The following FANK1 variants were observed in gnomAD, a reference collection of about 807,000 sequenced individuals.
The protein encoded by FANK1 is fibronectin type III and ankyrin repeat domains 1.
Under a neutral mutation model 45.3 loss-of-function variants are expected in FANK1, and 44 were observed. The observed-to-expected ratio is 0.97, with a 90% CI of 0.76 to 1.25. The LOEUF (loss-of-function observed/expected upper bound fraction) is 1.25, where lower values mean the gene tolerates loss of function less well. FANK1 is among the 50% of genes most tolerant of loss of function. FANK1 has a pLI of 0.00. For missense variants in FANK1, 391 were observed against 424.4 expected, an observed-to-expected ratio of 0.92 and a Z score of 0.69; for synonymous variants, 149 against 152.5, an observed-to-expected ratio of 0.98 and a Z score of 0.17.
intron 1 of FANK1, among the ~76,000 whole-genome samples, chr10:125,913,647 A>G (rs1316406827): frequency 6.6e-6 from 1 of 152,194 alleles, no homozygotes; most frequent in Non-Finnish European, 1.5e-5. Flanking sequence ...CACCAACAAC[A>G]TGGTTAGGCA....
At chr10:125,926,291 T>G (rs1947336238) in intron 1 of FANK1, among the ~76,000 whole-genome samples, 1 of 152,304 alleles carries the variant, frequency 6.6e-6, no homozygotes, top group African/African-American at 2.4e-5. Context: ...TTGTTCATAT[T>G]TCACCAGTTT....
chr10:125,911,574 G>A (rs1176666337), intron 1 of FANK1, among the ~76,000 whole-genome samples: 1 of 152,210 alleles, frequency 6.6e-6, no homozygotes, highest in Non-Finnish European at 1.5e-5. Flanking sequence ...GTCTAGATGT[G>A]GACTAGGTAG....
At chr10:125,948,707 C>G (rs1360369129) in intron 1 of FANK1, among the ~76,000 whole-genome samples, 1 of 152,166 alleles carries the variant, frequency 6.6e-6, no homozygotes. Context: ...GAACTGGTAC[C>G]ATTCCTTCTG....
chr10:125,957,287 T>A (rs1207511737), intron 1 of FANK1, among the ~76,000 whole-genome samples: 1 of 152,202 alleles, frequency 6.6e-6, no homozygotes, highest in East Asian at 1.9e-4. Context: ...TCTATGTTGC[T>A]TTTGCATATC....
chr10:125,945,833 G>C (rs577510471), intron 1 of FANK1, among the ~76,000 whole-genome samples: 43 of 152,348 alleles, frequency 2.8e-4, no homozygotes, highest in African/African-American at 1.0e-3. Context: ...AGTAACCTCT[G>C]CAGGCTTAAG....
chr10:125,982,520 G>A (rs1951286630), intron 2 of FANK1, among the ~76,000 whole-genome samples: 1 of 152,192 alleles, frequency 6.6e-6, no homozygotes, highest in African/African-American at 2.4e-5. Flanking sequence ...GCAGAATTAG[G>A]CTGCATTAAT....
chr10:125,933,950 C>T (rs529261856), intron 1 of FANK1, among the ~76,000 whole-genome samples: 4 of 152,196 alleles, frequency 2.6e-5, no homozygotes, highest in African/African-American at 9.6e-5. Context: ...TTTGAAGGTT[C>T]GTTTTGGAGT....
chr10:125,900,249 TTTAA>T (rs1420532216), intron 1 of FANK1, among the ~76,000 whole-genome samples: 8 of 152,298 alleles, frequency 5.3e-5, no homozygotes, highest in Non-Finnish European at 1.2e-4. Flanking sequence ...CATTGACGTC[TTTAA>T]TTATTTTCTT....
intron 1 of FANK1, among the ~76,000 whole-genome samples, chr10:125,908,608 GGA>G (rs1237693288): frequency 1.3e-5 from 2 of 152,048 alleles, no homozygotes; most frequent in Non-Finnish European, 2.9e-5. Flanking sequence ...GGAAAGGGTG[GGA>G]GGGGGATGAG....
chr10:125,942,690 C>T (rs919937049), intron 1 of FANK1, among the ~76,000 whole-genome samples: 3 of 152,004 alleles, frequency 2.0e-5, no homozygotes, highest in African/African-American at 7.3e-5. Flanking sequence ...GCTTGATACA[C>T]CTGTTATATT....
At chr10:125,908,289 C>A (rs112138702) in intron 1 of FANK1, among the ~76,000 whole-genome samples, 1 of 152,116 alleles carries the variant, frequency 6.6e-6, no homozygotes, top group Non-Finnish European at 1.5e-5. Flanking sequence ...AGCCACTGTG[C>A]CTGGCCTTTT....
intron 1 of FANK1, among the ~76,000 whole-genome samples, chr10:125,952,840 CACACACACA>C (rs1949338288): frequency 6.9e-6 from 1 of 145,404 alleles, no homozygotes; most frequent in Non-Finnish European, 1.5e-5. Context: ...CACACACACA[CACACACACA>C]CACACACACA....
chr10:126,001,422 A>T (rs1952747323), intron 6 of FANK1, among the ~76,000 whole-genome samples: 1 of 152,212 alleles, frequency 6.6e-6, no homozygotes, highest in African/African-American at 2.4e-5. Flanking sequence ...AAGAGAGAAA[A>T]GACGGGATTT....
At chr10:125,906,410 C>G (rs10901464) in intron 1 of FANK1, among the ~76,000 whole-genome samples, 67,759 of 139,150 alleles carry the variant, frequency 0.49, 15,748 homozygotes, top group African/African-American at 0.58. Context: ...CAGCTACTAG[C>G]GAGGCTGAGG....
intron 1 of FANK1, among the ~76,000 whole-genome samples, chr10:125,952,045 A>G (rs1292774139): frequency 6.6e-6 from 1 of 152,198 alleles, no homozygotes. Flanking sequence ...TGGAACTGTC[A>G]GACTTTGTGG....
chr10:125,984,477 C>G (rs1392999571), intron 2 of FANK1, among the ~76,000 whole-genome samples: 1 of 152,134 alleles, frequency 6.6e-6, no homozygotes, highest in East Asian at 1.9e-4. Flanking sequence ...CAGGAGGCAC[C>G]CAGGGTCTGG....
intron 2 of FANK1, among the ~76,000 whole-genome samples, chr10:125,984,550 ACTGT>A (rs1204737331): frequency 6.6e-6 from 1 of 151,956 alleles, no homozygotes; most frequent in Non-Finnish European, 1.5e-5. Context: ...TCAGTTTGAA[ACTGT>A]CTGACGTCCA....
At chr10:125,929,910 A>G (rs1217013821) in intron 1 of FANK1, among the ~76,000 whole-genome samples, 2 of 152,218 alleles carry the variant, frequency 1.3e-5, no homozygotes, top group Non-Finnish European at 2.9e-5. Flanking sequence ...CATACACCTT[A>G]TGGAGAGGAT....
intron 1 of FANK1, among the ~76,000 whole-genome samples, chr10:125,979,663 T>TGTGCTGCTCATCTTTTGC (rs1382297173): frequency 6.6e-6 from 1 of 152,258 alleles, no homozygotes; most frequent in East Asian, 1.9e-4. Context: ...TGCTCTTTTG[T>TGTGCTGCTCATCTTTTGC]GTGCTGCTCA....
Sources: gnomAD v4.1 joint callset for allele counts (sites outside exome capture counted in the v4.1 genomes callset) on GRCh38, gnomAD v4.1.1 for gene constraint, MANE v1.5 for transcripts, NCBI Gene and HGNC (gene_info 2026-07-23, HGNC 2026-07-21) for gene names.